SLAMF1: variants seen among roughly 807,000 people sequenced by gnomAD.
SLAMF1 encodes the protein signaling lymphocytic activation molecule family member 1.
Under a neutral mutation model 35.1 loss-of-function variants are expected in SLAMF1, and 18 were observed. The ratio of observed to expected loss-of-function variants is 0.51; its 90% CI spans 0.35 to 0.76. The LOEUF is 0.76. Among genes scored for constraint, SLAMF1 ranks in the 30% least tolerant of loss-of-function variants. The probability of loss-of-function intolerance (pLI) is 0.01; values close to 1 mark genes in which losing one functional copy is unlikely to be tolerated. For missense variants in SLAMF1, 392 were observed against 413.0 expected, an observed-to-expected ratio of 0.95 and a Z score of 0.44; for synonymous variants, 168 against 157.2, an observed-to-expected ratio of 1.07 and a Z score of -0.51.
intron 5 of SLAMF1, among the ~76,000 whole-genome samples, chr1:160,616,239 T>C (rs1659293952): frequency 6.6e-6 from 1 of 152,174 alleles, no homozygotes; most frequent in Non-Finnish European, 1.5e-5. Context: ...TTGGGATCAA[T>C]CTGAGGCTTG....
At chr1:160,638,495 C>T (rs1013954266) in intron 1 of SLAMF1, among the ~76,000 whole-genome samples, 1 of 152,112 alleles carries the variant, frequency 6.6e-6, no homozygotes, top group Non-Finnish European at 1.5e-5. Context: ...AGGTTATTTC[C>T]ATCAATACAC....
At chr1:160,627,940 G>C (rs115747080) in intron 3 of SLAMF1, among the ~76,000 whole-genome samples, 8,076 of 152,222 alleles carry the variant, frequency 0.053, 248 homozygotes, top group Non-Finnish European at 0.068. Context: ...TGTTCTCATG[G>C]GAGTGAATAA....
At chr1:160,629,177 C>T (rs1660038092) in intron 3 of SLAMF1, among the ~76,000 whole-genome samples, 2 of 152,084 alleles carry the variant, frequency 1.3e-5, no homozygotes, top group African/African-American at 4.8e-5. Flanking sequence ...CCACCCTGGG[C>T]CCTCTCCACC....
chr1:160,637,517 A>G lies in SLAMF1; in HGVS notation c.89T>C (p.Met30Thr), dbSNP rs144780368. 191 of 1,609,606 alleles carry G rather than the reference A, an allele frequency of 1.2e-4. No individual in the cohort carries two copies. In the African/African-American group the frequency reaches 2.2e-3, roughly 18 times the overall value. The change falls in exon 2 of 7, where the codon ATG becomes ACG. Residue 30 changes from methionine (M) to threonine (T), a missense_variant. Met to Thr is a moderately conservative substitution (Grantham distance 81, BLOSUM62 -1). Coordinates refer to ENST00000302035, the MANE Select transcript of SLAMF1 (RefSeq NM_003037.5). Reference sequence around the variant, plus strand: ...CTGCCGGAGAATCTTTGGGCAGTTCATCATGCGCCCACCTGTGGGAGGGAG... The same window carrying G: ...CTGCCGGAGAATCTTTGGGCAGTTCGTCATGCGCCCACCTGTGGGAGGGAG... ...GASYGTGGRM[M>T]NCPKILRQLG...
intron 2 of SLAMF1, 152 bp downstream of exon 2, chr1:160,637,039 T>C (rs1660487146): frequency 1.6e-6 from 1 of 616,390 alleles, no homozygotes; most frequent in South Asian, 2.1e-5. Context: ...TTAAAACGTC[T>C]TCCATGCAGC....
intron 5 of SLAMF1, among the ~76,000 whole-genome samples, chr1:160,618,997 A>G (rs754065780): frequency 6.6e-6 from 1 of 152,208 alleles, no homozygotes; most frequent in Admixed American, 6.5e-5. Context: ...GGTTCTCAGA[A>G]GTGCATTTGC....
rs1571023335 is a variant in SLAMF1, at chr1:160,645,653, G to A, written c.76+1217C>T. ...AATTGGTTGCAACAACGGAGGCTTGGCTTTCCCTGTGACCACTTAAAGTGG... is the reference window on the plus strand; with the variant it reads ...AATTGGTTGCAACAACGGAGGCTTGACTTTCCCTGTGACCACTTAAAGTGG... On this transcript the variant is annotated intron_variant, in intron 1 of 6. Coordinates refer to ENST00000302035, the MANE Select transcript of SLAMF1 (RefSeq NM_003037.5). Among the ~76,000 whole-genome samples, 6 of 152,198 alleles carry A rather than the reference G, an allele frequency of 3.9e-5. No homozygotes were observed. In the South Asian group the frequency reaches 1.2e-3, roughly 31 times the overall value.
rs200678007 is a variant in SLAMF1, at chr1:160,634,635, G to A, written c.678C>T (p.Pro226=). 51 of 1,611,212 alleles carry A rather than the reference G, an allele frequency of 3.2e-5. No individual in the cohort carries two copies. Among genetic ancestry groups the A allele is most frequent in the Middle Eastern group, 1.6e-4 (1 of 6,064 alleles). Residue 226 remains proline (P), a synonymous_variant, in exon 3 of 7, where the codon CCC becomes CCT. Transcript: ENST00000302035. ...CACCTGAGGGGTCTGTCCTGCATCC[G>A]GGCCACGGGCTGAAGGTCTGGGAAT... The part of the protein sequence containing the change: ...SNNSQTFSPW[P]GCRTDPSETK...
intron 5 of SLAMF1, among the ~76,000 whole-genome samples, chr1:160,614,703 A>G (rs164281): frequency 0.013 from 1,980 of 152,298 alleles, 48 homozygotes; most frequent in African/African-American, 0.046. Flanking sequence ...CATTTTTAAC[A>G]TTAATTCAGA....
chr1:160,637,164 G>A (rs1210742114), intron 2 of SLAMF1, 27 bp downstream of exon 2: 1 of 1,556,462 alleles, frequency 6.4e-7, no homozygotes, highest in Non-Finnish European at 8.9e-7. Flanking sequence ...GCCCTTTAGT[G>A]TGGACTGGGG....
At chr1:160,616,491 C>T (rs763795728) in intron 5 of SLAMF1, among the ~76,000 whole-genome samples, 5 of 152,046 alleles carry the variant, frequency 3.3e-5, no homozygotes, top group Non-Finnish European at 7.4e-5. Context: ...TCCAGTAATG[C>T]TTAAAAAGGA....
intron 1 of SLAMF1, among the ~76,000 whole-genome samples, chr1:160,646,305 A>G (rs1339962072): frequency 6.6e-6 from 1 of 152,168 alleles, no homozygotes. Context: ...CTCTTCCAAG[A>G]AAATACACAC....
intron 3 of SLAMF1, among the ~76,000 whole-genome samples, chr1:160,634,161 TAG>T (rs1450782933): frequency 2.0e-5 from 3 of 152,198 alleles, no homozygotes; most frequent in Admixed American, 2.0e-4. Flanking sequence ...AATGAATTGT[TAG>T]AGAGGAGAGA....
chr1:160,636,578 C>G (rs1178671909), intron 2 of SLAMF1, among the ~76,000 whole-genome samples: 1 of 152,196 alleles, frequency 6.6e-6, no homozygotes, highest in Non-Finnish European at 1.5e-5. Context: ...GACTTGGTTC[C>G]TAGTTTAAGT....
At position 160,610,686 on chromosome 1, in the gene SLAMF1, G is replaced by T; in HGVS notation, c.*62C>A. 7.7e-7 allele frequency: 1 copy of T among 1,291,660 alleles called. No individual in the cohort carries two copies. Among genetic ancestry groups the T allele is most frequent in the Non-Finnish European group, 1.1e-6 (1 of 886,808 alleles). 80.0% of individuals were successfully genotyped at this position (1,291,660 alleles called of 1,614,324 possible). A position where few individuals can be genotyped will look rare whatever the true frequency, so the allele number is the denominator to read the frequency against. On this transcript the variant is annotated 3_prime_UTR_variant, in exon 7 of 7. Coordinates refer to ENST00000302035, the MANE Select transcript of SLAMF1 (RefSeq NM_003037.5). The stretch of plus-strand genomic sequence containing the variant: ...GAGGAAACTTGGGGCCTGTGGCCAA[G>T]TTCAGTGTTCATTTTGGTTTTTCCA...
chr1:160,624,218 A>C, intron 3 of SLAMF1, 33 bp from the exon 4 acceptor site: 80 of 1,448,238 alleles, frequency 5.5e-5, no homozygotes, highest in Non-Finnish European at 6.6e-5. Context: ...GAGCAATCTC[A>C]AAAGTATTCT....
chr1:160,632,238 A>T (rs1304184733), intron 3 of SLAMF1, among the ~76,000 whole-genome samples: 1 of 152,252 alleles, frequency 6.6e-6, no homozygotes, highest in Non-Finnish European at 1.5e-5. Flanking sequence ...ACACACACTG[A>T]ATCAAGGACT....
chr1:160,610,926 A>T, intron 6 of SLAMF1, 128 bp from the exon 7 acceptor site: 1 of 743,484 alleles, frequency 1.3e-6, no homozygotes, highest in Non-Finnish European at 2.3e-6. Context: ...GGTCTGTCAC[A>T]GACAGGGCCT....
intron 1 of SLAMF1, among the ~76,000 whole-genome samples, chr1:160,640,333 T>C (rs1456991583): frequency 3.2e-5 from 3 of 94,306 alleles, no homozygotes; most frequent in Non-Finnish European, 4.5e-5. Flanking sequence ...GTCATATATA[T>C]ATATATATAT....
Sources: gnomAD v4.1 joint callset for allele counts (sites outside exome capture counted in the v4.1 genomes callset) on GRCh38, gnomAD v4.1.1 for gene constraint, MANE v1.5 for transcripts, NCBI Gene and HGNC (gene_info 2026-07-23, HGNC 2026-07-21) for gene names.